The following PPP1R12A variants were observed in gnomAD, a reference collection of about 807,000 sequenced individuals.
The protein encoded by PPP1R12A is protein phosphatase 1 regulatory subunit 12A, also known as myosin binding subunit.
A neutral mutation model predicts 139.6 loss-of-function variants in PPP1R12A; 19 were observed. The observed-to-expected ratio is 0.14, with a 90% CI of 0.09 to 0.20. The LOEUF is 0.20. Among genes scored for constraint, PPP1R12A ranks in the 10% least tolerant of loss-of-function variants. The pLI, the probability that PPP1R12A is intolerant of heterozygous loss-of-function variation, is 1.00. For synonymous variants in PPP1R12A, 427 were observed against 420.6 expected (o/e 1.02, Z -0.19); for missense variants, 925 against 1,211.5 (o/e 0.76, Z 3.51).
At chr12:79,794,131 G>A (rs1444901443) in intron 18 of PPP1R12A, among the ~76,000 whole-genome samples, 1 of 151,874 alleles carries the variant, frequency 6.6e-6, no homozygotes, top group East Asian at 1.9e-4. Context: ...AATGAATACT[G>A]GGGGTAGGGC....
At chr12:79,879,964 C>T (rs1244651397) in intron 1 of PPP1R12A, among the ~76,000 whole-genome samples, 1 of 152,090 alleles carries the variant, frequency 6.6e-6, no homozygotes, top group African/African-American at 2.4e-5. Flanking sequence ...TCCTCAAGCT[C>T]CACATACCAA....
intron 3 of PPP1R12A, 140 bp downstream of exon 3, chr12:79,845,162 T>C: frequency 3.2e-6 from 2 of 634,110 alleles, no homozygotes; most frequent in Non-Finnish European, 5.5e-6. Flanking sequence ...AACAGAAACA[T>C]ACTGTACTAT....
intron 4 of PPP1R12A, 44 bp from the exon 5 acceptor site, chr12:79,828,508 A>T: frequency 7.1e-7 from 1 of 1,402,362 alleles, no homozygotes; most frequent in Non-Finnish European, 9.7e-7. Flanking sequence ...AAATCTAGAA[A>T]TAAATGATCA....
intron 1 of PPP1R12A, 32 bp from the exon 2 acceptor site, chr12:79,872,970 A>C (rs1358829488): frequency 1.3e-6 from 2 of 1,595,234 alleles, no homozygotes; most frequent in African/African-American, 2.7e-5. Context: ...AGATTGGAAA[A>C]AATACGAATT....
intron 2 of PPP1R12A, among the ~76,000 whole-genome samples, chr12:79,862,013 C>T (rs545846531): frequency 6.0e-4 from 91 of 152,302 alleles, no homozygotes; most frequent in African/African-American, 2.1e-3. Flanking sequence ...GCCTACTCAA[C>T]AGGGTCCCCG....
At chr12:79,893,996 C>A (rs1565802264) in intron 1 of PPP1R12A, among the ~76,000 whole-genome samples, 1 of 152,146 alleles carries the variant, frequency 6.6e-6, no homozygotes, top group Non-Finnish European at 1.5e-5. Flanking sequence ...GCAGGAGTTC[C>A]ATGGCAGAAA....
chr12:79,832,222 G>C, intron 4 of PPP1R12A, 110 bp downstream of exon 4: 1 of 1,024,660 alleles, frequency 9.8e-7, no homozygotes, highest in East Asian at 2.8e-5. Flanking sequence ...AGGCATTAAA[G>C]AACTCTTTTA....
At chr12:79,900,438 G>A (rs1885531238) in intron 1 of PPP1R12A, among the ~76,000 whole-genome samples, 1 of 152,072 alleles carries the variant, frequency 6.6e-6, no homozygotes, top group South Asian at 2.1e-4. Flanking sequence ...CCACGTAATA[G>A]GCACACAAAT....
chr12:79,832,928 TTCATCTAAAATATA>T, intron 3 of PPP1R12A, among the ~76,000 whole-genome samples: 1 of 152,310 alleles, frequency 6.6e-6, no homozygotes, highest in East Asian at 1.9e-4. Flanking sequence ...AGGTCCTGTC[TTCATCTAAAATATA>T]TCATACCTTA....
chr12:79,846,596 AT>A (rs74933339), intron 2 of PPP1R12A, among the ~76,000 whole-genome samples: 2,075 of 127,700 alleles, frequency 0.016, 18 homozygotes, highest in African/African-American at 0.038. Flanking sequence ...CGCGTGGCTC[AT>A]TTTTTTTTTT....
chr12:79,856,838 C>G (rs1227033935), intron 2 of PPP1R12A, among the ~76,000 whole-genome samples: 1 of 152,178 alleles, frequency 6.6e-6, no homozygotes, highest in African/African-American at 2.4e-5. Flanking sequence ...GTCTGCAATT[C>G]AAGTGTTGGA....
intron 19 of PPP1R12A, among the ~76,000 whole-genome samples, chr12:79,791,197 T>A (rs1871804534): frequency 6.6e-6 from 1 of 152,214 alleles, no homozygotes; most frequent in African/African-American, 2.4e-5. Flanking sequence ...AATGTCTACA[T>A]ATCAAACAAA....
chr12:79,845,816 C>T (rs1230456017), intron 2 of PPP1R12A, among the ~76,000 whole-genome samples: 1 of 50,108 alleles, frequency 2.0e-5, no homozygotes, highest in Non-Finnish European at 6.2e-5. Context: ...AAAACAAAAC[C>T]ATCTAGAGCA....
intron 2 of PPP1R12A, among the ~76,000 whole-genome samples, chr12:79,856,047 A>C (rs1465494312): frequency 6.6e-6 from 1 of 152,146 alleles, no homozygotes; most frequent in Non-Finnish European, 1.5e-5. Flanking sequence ...TATCAATTCT[A>C]TTCTCCAAAT....
intron 11 of PPP1R12A, among the ~76,000 whole-genome samples, chr12:79,808,022 C>T (rs797017004): frequency 5.4e-5 from 8 of 149,408 alleles, no homozygotes; most frequent in East Asian, 3.9e-4. Context: ...GGTGACAGAG[C>T]GAGACTCTGT....
At chr12:79,907,449 A>G (rs1462692615) in intron 1 of PPP1R12A, among the ~76,000 whole-genome samples, 3 of 152,186 alleles carry the variant, frequency 2.0e-5, no homozygotes. Flanking sequence ...TAAAAGTTAA[A>G]CAAAATAAAA....
rs1218411953 is a variant in PPP1R12A at position 79,830,245 on chromosome 12, C to T, written c.648-1781G>A. Among the ~76,000 whole-genome samples, 4 of 152,052 alleles carry T rather than the reference C, an allele frequency of 2.6e-5. No homozygotes were observed. The South Asian group carries it at 8.3e-4, about 32-fold the overall frequency. On this transcript the variant is annotated intron_variant, in intron 4 of 24. Coordinates refer to ENST00000450142, the MANE Select transcript of PPP1R12A (RefSeq NM_002480.3). The stretch of plus-strand genomic sequence containing the variant: ...CACAATGATTTCATGCATATATAAG[C>T]AAATACAATTTTAATTTTTTTTACA...
At chr12:79,887,067 A>G (rs982142425) in intron 1 of PPP1R12A, among the ~76,000 whole-genome samples, 1 of 152,120 alleles carries the variant, frequency 6.6e-6, no homozygotes, top group Non-Finnish European at 1.5e-5. Context: ...ATATAACGTA[A>G]TGCAGTAAGT....
intron 3 of PPP1R12A, among the ~76,000 whole-genome samples, chr12:79,841,715 G>C (rs1276189847): frequency 6.6e-6 from 1 of 152,144 alleles, no homozygotes; most frequent in African/African-American, 2.4e-5. Flanking sequence ...TGTTTGACAG[G>C]AAACTGTTAT....
Sources: gnomAD v4.1 joint callset for allele counts (sites outside exome capture counted in the v4.1 genomes callset) on GRCh38, gnomAD v4.1.1 for gene constraint, MANE v1.5 for transcripts, NCBI Gene and HGNC (gene_info 2026-07-23, HGNC 2026-07-21) for gene names.